The following UPF2 variants were observed in gnomAD, a reference collection of about 807,000 sequenced individuals.
UPF2 encodes the protein UPF2 regulator of nonsense mediated mRNA decay, also known as regulator of nonsense transcripts 2.
Under a neutral mutation model 141.4 loss-of-function variants are expected in UPF2, and 17 were observed. That is an observed-to-expected ratio of 0.12 (90% CI 0.08 to 0.18). UPF2 has a LOEUF of 0.18. Ranked by LOEUF, UPF2 falls within the 10% of genes least tolerant of loss-of-function variation. UPF2 has a pLI of 1.00. For synonymous variants in UPF2, 540 were observed against 498.0 expected (o/e 1.08, Z -1.12); for missense variants, 1,152 against 1,515.9 (o/e 0.76, Z 3.99).
intron 21 of UPF2, chr10:11,928,625 C>T (rs911745411): frequency 6.6e-5 from 14 of 211,410 alleles, no homozygotes; most frequent in Middle Eastern, 1.8e-3. Flanking sequence ...AGGAGAATGG[C>T]GTGAACCCGG....
chr10:11,972,959 A>G (rs1833445646), intron 9 of UPF2, among the ~76,000 whole-genome samples: 1 of 152,214 alleles, frequency 6.6e-6, no homozygotes, highest in African/African-American at 2.4e-5. Flanking sequence ...GAATCGCCAC[A>G]CTGTCTTCCA....
intron 8 of UPF2, among the ~76,000 whole-genome samples, chr10:11,996,224 G>C (rs1244023617): frequency 6.6e-6 from 1 of 151,898 alleles, no homozygotes; most frequent in Non-Finnish European, 1.5e-5. Flanking sequence ...CTGATTATCA[G>C]GCTGATTATA....
In UPF2 at chr10:11,980,008, T is replaced by G. The variant is rs1003757392; in HGVS notation, c.1845-843A>C. ...ATACTAATTTATGTATTTCAACTCA[T>G]TACAGAACCCACTCAGATCTTCATT... On this transcript the variant is annotated intron_variant, in intron 8 of 21. Transcript: ENST00000357604. The surrounding 1 kb of genome is among the most constrained non-coding windows in gnomAD (Gnocchi z 4.2). Among the ~76,000 whole-genome samples, 1 of 152,200 alleles carries G rather than the reference T, an allele frequency of 6.6e-6. No individual in the cohort carries two copies. Among genetic ancestry groups the G allele is most frequent in the African/African-American group, 2.4e-5 (1 of 41,460 alleles).
intron 1 of UPF2, among the ~76,000 whole-genome samples, chr10:12,038,281 G>T (rs1034254889): frequency 4.6e-5 from 7 of 151,760 alleles, no homozygotes; most frequent in Admixed American, 6.6e-5. Context: ...TACTGGGGAG[G>T]CTGAGGCAGA....
At chr10:12,040,547 CTTACA>C (rs1834718503) in intron 1 of UPF2, among the ~76,000 whole-genome samples, 1 of 152,292 alleles carries the variant, frequency 6.6e-6, no homozygotes, top group East Asian at 1.9e-4. Context: ...CCACTTCATC[CTTACA>C]TTACAAGCAT....
rs57209815 is a variant in UPF2, at chr10:11,924,577, C to CAA, written c.3810-3272_3810-3271dup. On this transcript the variant is annotated intron_variant, in intron 21 of 21. Transcript: ENST00000357604. ...TGGGTAACAGAGCAACATGTCGTCT[C>CAA]AAAAAAAAAAATCTTTTTTTTAAAC... Among the ~76,000 whole-genome samples the CAA allele has an allele frequency of 5.1e-4, 76 of 149,356 alleles. 1 individual carries two copies. Among genetic ancestry groups the CAA allele is most frequent in the Admixed American group, 1.4e-3 (21 of 14,972 alleles).
intron 5 of UPF2, 38 bp from the exon 6 acceptor site, chr10:12,001,863 C>A: frequency 6.6e-7 from 1 of 1,523,986 alleles, no homozygotes; most frequent in Non-Finnish European, 8.8e-7. Context: ...AATTCAAAGT[C>A]ATATGAAAAT....
chr10:11,976,413 T>C (rs147634815), intron 9 of UPF2, among the ~76,000 whole-genome samples: 120 of 152,316 alleles, frequency 7.9e-4, no homozygotes, highest in Non-Finnish European at 1.4e-3. Context: ...TAGTAAACAA[T>C]GGCTCCTAAA....
chr10:11,954,389 G>A (rs980244831), intron 14 of UPF2, among the ~76,000 whole-genome samples: 7 of 151,704 alleles, frequency 4.6e-5, no homozygotes, highest in African/African-American at 2.4e-5. Context: ...ATCCCAGAAC[G>A]TTGGGAGGCC....
At position 11,936,102 on chromosome 10, in the gene UPF2, G is replaced by T. The variant is rs190581354; in HGVS notation, c.3546+443C>A. On this transcript the variant is annotated intron_variant, in intron 19 of 21. Transcript: ENST00000357604. The surrounding 1 kb of genome is among the most constrained non-coding windows in gnomAD (Gnocchi z 6.6). Reference sequence around the variant, plus strand: ...AACACATAAGGGGCCAAGTGCAGTTGCTCACGCCTATAATCCAAGCACTTT... The same window carrying T: ...AACACATAAGGGGCCAAGTGCAGTTTCTCACGCCTATAATCCAAGCACTTT... Among the ~76,000 whole-genome samples the T allele has an allele frequency of 3.6e-4, 55 of 152,288 alleles. 1 individual carries two copies. The highest frequency in any genetic ancestry group is 3.4e-3 in the Admixed American group (52 of 15,302).
At chr10:12,041,549 A>AG (rs1278131971) in intron 1 of UPF2, among the ~76,000 whole-genome samples, 9 of 152,198 alleles carry the variant, frequency 5.9e-5, no homozygotes, top group Admixed American at 1.3e-4. Context: ...TCCCTTTTAA[A>AG]GACATTCCCT....
Position 11,921,135 on chromosome 10 carries a change from G to C in UPF2, c.*163C>G, listed in dbSNP as rs747763887. ...TCGGCTTGTTCCGGTGTTGGCAGAG[G>C]CTGGTGTTTCTGCCTCCTGGCCCCA... On this transcript the variant is annotated 3_prime_UTR_variant, in exon 22 of 22. Coordinates refer to ENST00000357604, the MANE Select transcript of UPF2 (RefSeq NM_015542.4). This position sits in a 1 kb window ranked among gnomAD's most constrained non-coding sequence, Gnocchi z 5.9. 2.0e-5 allele frequency: 19 copies of C among 933,812 alleles called. 1 individual carries two copies. Among genetic ancestry groups the C allele is most frequent in the Admixed American group, 1.2e-4 (7 of 59,068 alleles). The allele number at this position is 933,812 out of a possible 1,614,324, so 57.8% of individuals were successfully genotyped here. A position where few individuals can be genotyped will look rare whatever the true frequency, so the allele number is the denominator to read the frequency against.
intron 16 of UPF2, among the ~76,000 whole-genome samples, chr10:11,945,165 T>A (rs1832985801): frequency 6.6e-6 from 1 of 152,236 alleles, no homozygotes; most frequent in African/African-American, 2.4e-5. Context: ...AACATTTAAT[T>A]TAAACAGTTA....
intron 8 of UPF2, among the ~76,000 whole-genome samples, chr10:11,995,054 G>A (rs1409465956): frequency 4.0e-5 from 6 of 149,368 alleles, no homozygotes; most frequent in Non-Finnish European, 7.4e-5. Flanking sequence ...ACCAACAATC[G>A]GAATATGATG....
At chr10:11,925,675 T>C (rs192956485) in intron 21 of UPF2, among the ~76,000 whole-genome samples, 65 of 152,338 alleles carry the variant, frequency 4.3e-4, no homozygotes, top group Non-Finnish European at 2.4e-4. Flanking sequence ...CACTGACCTA[T>C]GTCAGACTCA....
At chr10:11,988,158 C>T (rs1380768021) in intron 8 of UPF2, among the ~76,000 whole-genome samples, 1 of 152,192 alleles carries the variant, frequency 6.6e-6, no homozygotes, top group South Asian at 2.1e-4. Flanking sequence ...TGAAAAGATG[C>T]TCAACGTCAT....
At position 12,005,106 on chromosome 10, in the gene UPF2, G is replaced by A. The variant is rs572487019; in HGVS notation, c.1307-379C>T. 6.3e-4 allele frequency among the ~76,000 whole-genome samples: 41 copies of A among 64,668 alleles called. No homozygotes were observed. In the East Asian group the frequency reaches 0.018, roughly 28 times the overall value. 42.4% of individuals were successfully genotyped at this position (64,668 alleles called of 152,430 possible). A position where few individuals can be genotyped will look rare whatever the true frequency, so the allele number is the denominator to read the frequency against. On this transcript the variant is annotated intron_variant, in intron 4 of 21. Transcript: ENST00000357604. ...GTTTAAAGTCCCACCTCCCCCATGA[G>A]TATTTTTTTTTTTTTTGGCAACTCA...
At chr10:11,933,326 T>C (rs945124494) in intron 19 of UPF2, among the ~76,000 whole-genome samples, 1 of 152,172 alleles carries the variant, frequency 6.6e-6, no homozygotes, top group African/African-American at 2.4e-5. Flanking sequence ...GACCACAACA[T>C]ACCAGCGATG....
intron 8 of UPF2, among the ~76,000 whole-genome samples, chr10:11,990,270 T>A (rs1833757513): frequency 6.6e-6 from 1 of 152,188 alleles, no homozygotes; most frequent in African/African-American, 2.4e-5. Context: ...GTTCTACCTT[T>A]CAATGATAAA....
Sources: allele counts gnomAD v4.1 joint callset (sites outside exome capture counted in the v4.1 genomes callset), GRCh38; gene constraint gnomAD v4.1.1; non-coding constraint Gnocchi (gnomAD v3.1); transcripts MANE v1.5; gene names NCBI Gene and HGNC (gene_info 2026-07-23, HGNC 2026-07-21).